MTUS2: variants seen among roughly 807,000 people sequenced by gnomAD.
MTUS2 encodes microtubule associated scaffold protein 2, also known as microtubule-associated tumor suppressor candidate 2.
A neutral mutation model predicts 114.1 loss-of-function variants in MTUS2; 40 were observed. The ratio of observed to expected loss-of-function variants is 0.35; its 90% CI spans 0.27 to 0.46. The LOEUF is 0.46. Ranked by LOEUF, MTUS2 falls within the 20% of genes least tolerant of loss-of-function variation. MTUS2 has a pLI of 1.00. For missense variants in MTUS2, 1,679 were observed against 1,705.4 expected (o/e 0.98, Z 0.27); for synonymous variants, 688 against 672.0 (o/e 1.02, Z -0.37).
intron 5 of MTUS2, among the ~76,000 whole-genome samples, chr13:29,115,629 A>G (rs187423679): frequency 1.3e-5 from 2 of 152,356 alleles, no homozygotes; most frequent in East Asian, 3.9e-4. Context: ...GTATCTTTGT[A>G]TCTAATAAGT....
chr13:29,358,575 G>A (rs1869952585), intron 7 of MTUS2, among the ~76,000 whole-genome samples: 1 of 152,198 alleles, frequency 6.6e-6, no homozygotes, highest in African/African-American at 2.4e-5. Flanking sequence ...GGTCATTCTG[G>A]CTGTGGCGTA....
intron 5 of MTUS2, among the ~76,000 whole-genome samples, chr13:29,230,514 C>G (rs1896283792): frequency 2.6e-5 from 4 of 152,180 alleles, no homozygotes; most frequent in Admixed American, 2.6e-4. Flanking sequence ...TGCACAAATC[C>G]TAGCTGCTGT....
chr13:29,187,647 T>A (rs1894280700), intron 5 of MTUS2, among the ~76,000 whole-genome samples: 1 of 152,146 alleles, frequency 6.6e-6, no homozygotes, highest in African/African-American at 2.4e-5. Context: ...CCAGAATGAC[T>A]CTTTATTTGT....
intron 2 of MTUS2, among the ~76,000 whole-genome samples, chr13:28,932,600 G>A (rs562805136): frequency 1.3e-5 from 2 of 152,166 alleles, no homozygotes; most frequent in African/African-American, 2.4e-5. Context: ...AGGGCTCCAC[G>A]GGGTGAGAAA....
chr13:29,336,465 G>A lies in MTUS2; in HGVS notation c.2905+11754G>A, dbSNP rs927543279. 2.0e-5 allele frequency among the ~76,000 whole-genome samples: 3 copies of A among 152,322 alleles called. No individual in the cohort carries two copies. The East Asian group carries it at 5.8e-4, about 29-fold the overall frequency. ...GACCCTGCTTGCCTGGGTATCACGA[G>A]CGGAGGCTGCAGAACAGCAAAAATT... On this transcript the variant is annotated intron_variant, in intron 7 of 15. Transcript: ENST00000612955.
intron 9 of MTUS2, among the ~76,000 whole-genome samples, chr13:29,453,691 A>G (rs1198838823): frequency 6.6e-6 from 1 of 152,220 alleles, no homozygotes; most frequent in Non-Finnish European, 1.5e-5. Flanking sequence ...TAATGACAAC[A>G]TTGACTTAAT....
intron 2 of MTUS2, among the ~76,000 whole-genome samples, chr13:29,010,151 C>T (rs189763935): frequency 3.7e-4 from 55 of 148,002 alleles, no homozygotes; most frequent in South Asian, 2.1e-3. Context: ...GTGGAAGTTG[C>T]AGTGAGGTGA....
chr13:29,475,121 A>G (rs1880599409), intron 9 of MTUS2, among the ~76,000 whole-genome samples: 2 of 152,232 alleles, frequency 1.3e-5, no homozygotes, highest in African/African-American at 4.8e-5. Context: ...TGCACCACAT[A>G]ACAACATTGC....
At chr13:29,430,059 A>G (rs370891490) in intron 8 of MTUS2, among the ~76,000 whole-genome samples, 49 of 152,370 alleles carry the variant, frequency 3.2e-4, no homozygotes, top group African/African-American at 1.2e-3. Context: ...GCTTTTAACA[A>G]AAAGAAATAT....
rs1871618276 is a variant in MTUS2, at chr13:29,375,596, T to TA, written c.3117+16124dup. ...ATACATATATATATATACGTATATA[T>TA]ATATATATATACGTATATATATATA... On this transcript the variant is annotated intron_variant, in intron 8 of 15. Coordinates refer to ENST00000612955, the MANE Select transcript of MTUS2 (RefSeq NM_001033602.4). Among the ~76,000 whole-genome samples the TA allele has an allele frequency of 3.3e-4, 2 of 6,130 alleles. 1 individual carries two copies. Among genetic ancestry groups the TA allele is most frequent in the African/African-American group, 8.5e-4 (2 of 2,352 alleles). The allele number at this position is 6,130 out of a possible 152,430, so 4.0% of individuals were successfully genotyped here. A position where few individuals can be genotyped will look rare whatever the true frequency, so the allele number is the denominator to read the frequency against.
chr13:29,422,932 T>C (rs1439229747), intron 8 of MTUS2, among the ~76,000 whole-genome samples: 4 of 152,172 alleles, frequency 2.6e-5, no homozygotes, highest in Non-Finnish European at 5.9e-5. Flanking sequence ...GCCCAGCCCA[T>C]GGTTTCTTTT....
intron 8 of MTUS2, among the ~76,000 whole-genome samples, chr13:29,379,429 G>A (rs7995293): frequency 0.32 from 47,948 of 151,912 alleles, 7,631 homozygotes; most frequent in Middle Eastern, 0.38. Flanking sequence ...ATGGGACAGG[G>A]GACCTACATG....
chr13:29,236,307 G>A (rs932575120), intron 5 of MTUS2, among the ~76,000 whole-genome samples: 4 of 151,984 alleles, frequency 2.6e-5, no homozygotes, highest in Admixed American at 6.6e-5. Flanking sequence ...TCTTGTATTC[G>A]ATATGTTCTA....
intron 4 of MTUS2, among the ~76,000 whole-genome samples, chr13:29,044,992 T>G (rs965359709): frequency 2.6e-5 from 4 of 152,186 alleles, no homozygotes; most frequent in African/African-American, 9.7e-5. Context: ...GTGTCCCCCT[T>G]TATCTTCAAA....
intron 11 of MTUS2, among the ~76,000 whole-genome samples, chr13:29,491,051 G>GGT (rs202071224): frequency 6.8e-6 from 1 of 147,712 alleles, no homozygotes; most frequent in African/African-American, 2.6e-5. Flanking sequence ...GTGTGTGTGT[G>GGT]GTGGGAGGCA....
intron 9 of MTUS2, among the ~76,000 whole-genome samples, chr13:29,464,947 G>A (rs1245899682): frequency 6.6e-6 from 1 of 152,206 alleles, no homozygotes; most frequent in Non-Finnish European, 1.5e-5. Flanking sequence ...ACTGGCTTGG[G>A]ACAGGATGAT....
intron 6 of MTUS2, among the ~76,000 whole-genome samples, chr13:29,303,654 A>G (rs1435934176): frequency 2.0e-5 from 3 of 152,188 alleles, no homozygotes; most frequent in Non-Finnish European, 2.9e-5. Context: ...GAGAAAACCT[A>G]TGACTGATTG....
intron 6 of MTUS2, 149 bp from the exon 7 acceptor site, chr13:29,324,464 G>T: frequency 1.6e-6 from 1 of 610,864 alleles, no homozygotes; most frequent in Non-Finnish European, 2.9e-6. Flanking sequence ...TCAAGCACAG[G>T]GGGTGGTGAC....
At chr13:29,159,562 T>G (rs1379120320) in intron 5 of MTUS2, among the ~76,000 whole-genome samples, 1 of 151,660 alleles carries the variant, frequency 6.6e-6, no homozygotes, top group Non-Finnish European at 1.5e-5. Context: ...AGGATGAAAA[T>G]ATGAGCCACA....
Sources: gnomAD v4.1 joint callset for allele counts (sites outside exome capture counted in the v4.1 genomes callset) on GRCh38, gnomAD v4.1.1 for gene constraint, MANE v1.5 for transcripts, NCBI Gene and HGNC (gene_info 2026-07-23, HGNC 2026-07-21) for gene names.